PRKDC: variants seen among roughly 807,000 people sequenced by gnomAD.
PRKDC encodes the protein protein kinase, DNA-activated, catalytic subunit.
PRKDC carries 82 observed loss-of-function variants against 486.9 expected under a neutral mutation model. That is an observed-to-expected ratio of 0.17 (90% CI 0.14 to 0.20). The LOEUF is 0.20. Among genes scored for constraint, PRKDC ranks in the 10% least tolerant of loss-of-function variants. PRKDC has a pLI of 1.00. For missense variants in PRKDC, 4,504 were observed against 5,038.2 expected (o/e 0.89, Z 3.21); for synonymous variants, 1,895 against 1,837.0 (o/e 1.03, Z -0.81).
intron 54 of PRKDC, among the ~76,000 whole-genome samples, chr8:47,846,372 C>A (rs187683094): frequency 6.7e-6 from 1 of 148,878 alleles, no homozygotes; most frequent in Non-Finnish European, 1.5e-5. Context: ...GCTGAGGTCA[C>A]GCCACTGCAC....
At chr8:47,787,710 C>T (rs919232212) in intron 76 of PRKDC, among the ~76,000 whole-genome samples, 3 of 152,194 alleles carry the variant, frequency 2.0e-5, no homozygotes, top group African/African-American at 7.2e-5. Context: ...AGTCTCAGGG[C>T]TTCCAGCAAC....
chr8:47,909,768 G>A (rs1029623523), intron 25 of PRKDC, among the ~76,000 whole-genome samples: 2 of 152,184 alleles, frequency 1.3e-5, no homozygotes, highest in Non-Finnish European at 2.9e-5. Flanking sequence ...ATGCAGTTGA[G>A]ATAAGGACTG....
chr8:47,809,901 T>C (rs954761595), intron 68 of PRKDC, among the ~76,000 whole-genome samples: 17 of 152,174 alleles, frequency 1.1e-4, no homozygotes, highest in African/African-American at 4.1e-4. Flanking sequence ...GTGGTGGCAA[T>C]GTGACTGAGA....
At chr8:47,815,645 ATAAG>A (rs1373520520) in intron 68 of PRKDC, among the ~76,000 whole-genome samples, 1 of 152,250 alleles carries the variant, frequency 6.6e-6, no homozygotes, top group African/African-American at 2.4e-5. Context: ...TAAAAAGTAA[ATAAG>A]TAAGTAAACA....
chr8:47,781,982 C>T (rs990889003), intron 80 of PRKDC, among the ~76,000 whole-genome samples, 180 bp downstream of exon 80: 1 of 152,182 alleles, frequency 6.6e-6, no homozygotes, highest in Non-Finnish European at 1.5e-5. Flanking sequence ...TTTTGTATTA[C>T]GGTAAAATAT....
Position 47,820,701 on chromosome 8 carries a change from TATA to T in PRKDC, c.9336+15_9336+17del. 7.8e-7 allele frequency: 1 copy of T among 1,289,634 alleles called. No individual in the cohort carries two copies. Among genetic ancestry groups the T allele is most frequent in the East Asian group, 2.6e-5 (1 of 39,132 alleles). The allele number at this position is 1,289,634 out of a possible 1,614,324, so 79.9% of individuals were successfully genotyped here. A position where few individuals can be genotyped will look rare whatever the true frequency, so the allele number is the denominator to read the frequency against. ...CACTATATATATACAAGCATATATA[TATA>T]ATATATAGTATTACCTGCATAAAAC... On this transcript the variant is annotated intron_variant, in intron 66 of 85. Coordinates refer to ENST00000314191, the MANE Select transcript of PRKDC (RefSeq NM_006904.7).
At position 47,782,321 on chromosome 8, in the gene PRKDC, C is replaced by G; in HGVS notation, c.11396+57G>C. 1 of 1,610,926 alleles carries G rather than the reference C, an allele frequency of 6.2e-7. No individual in the cohort carries two copies. Among genetic ancestry groups the G allele is most frequent in the Non-Finnish European group, 8.5e-7 (1 of 1,177,736 alleles). ...CTCTTTCTTCACTAGAAAAACAGTCCCGTGGACGCCAAGCAATATGCAGCA... is the reference window on the plus strand; with the variant it reads ...CTCTTTCTTCACTAGAAAAACAGTCGCGTGGACGCCAAGCAATATGCAGCA... On this transcript the variant is annotated intron_variant, in intron 79 of 85. Transcript: ENST00000314191. This position sits in a 1 kb window ranked among gnomAD's most constrained non-coding sequence, Gnocchi z 4.9.
chr8:47,918,397 A>T lies in PRKDC; in HGVS notation c.2420-14T>A. ...TCTTGGTCTCATCTATCAATAGTAA[A>T]CGAAAATAAATTTAAAATAGCACTC... On this transcript the variant is annotated splice_polypyrimidine_tract_variant and intron_variant, in intron 21 of 85. Transcript: ENST00000314191. 1 of 1,473,350 alleles carries T rather than the reference A, an allele frequency of 6.8e-7. No homozygotes were observed. Among genetic ancestry groups the T allele is most frequent in the Non-Finnish European group, 9.1e-7 (1 of 1,095,848 alleles). 91.3% of individuals were successfully genotyped at this position (1,473,350 alleles called of 1,614,324 possible).
In PRKDC at chr8:47,862,451, G is replaced by A. The variant is rs546063249; in HGVS notation, c.5841C>T (p.Cys1947=). ...RRLYHCAAYN[C]AISVICCVFN... ...AGACACAGCAGATGACAGATATGGC[G>A]CAGTTGTATGCTGCACAATGGTAAA... Residue 1947 remains cysteine, a synonymous_variant, in exon 43 of 86, where the codon TGC becomes TGT. Coordinates refer to ENST00000314191, the MANE Select transcript of PRKDC (RefSeq NM_006904.7). 17 of 1,613,878 alleles carry A rather than the reference G, an allele frequency of 1.1e-5. No individual in the cohort carries two copies. The African/African-American group carries it at 1.1e-4, about 10-fold the overall frequency.
intron 30 of PRKDC, 88 bp from the exon 31 acceptor site, chr8:47,893,475 G>A (rs2089508111): frequency 4.6e-6 from 6 of 1,306,134 alleles, no homozygotes; most frequent in Non-Finnish European, 5.0e-6. Flanking sequence ...AATGTTATGG[G>A]ACAATCTTTT....
rs769967484 is a variant in PRKDC at position 47,778,655 on chromosome 8, G to A, written c.11657C>T (p.Ala3886Val). The stretch of plus-strand genomic sequence containing the variant: ...AGGGCTTGTACTCATCCTCACGAAG[G>A]CCCGCCTACAAAAGAGACACAGCTG... ...SKVPADLLKR[A>V]FVRMSTSPEA... The change falls in exon 83 of 86, where the codon GCC becomes GTC. Residue 3886 changes from alanine to valine, a missense_variant. Around this residue, in one of 6 missense-constraint regions of PRKDC, gnomAD observed 706 missense variants for 945.0 expected, o/e 0.75. Coordinates refer to ENST00000314191, the MANE Select transcript of PRKDC (RefSeq NM_006904.7). 1 of 1,613,324 alleles carries A rather than the reference G, an allele frequency of 6.2e-7. No homozygotes were observed. Among genetic ancestry groups the A allele is most frequent in the Non-Finnish European group, 8.5e-7 (1 of 1,179,598 alleles).
At position 47,913,861 on chromosome 8, in the gene PRKDC, A is replaced by G. The variant is rs370137191; in HGVS notation, c.2781+40T>C. On this transcript the variant is annotated intron_variant, in intron 24 of 85. Coordinates refer to ENST00000314191, the MANE Select transcript of PRKDC (RefSeq NM_006904.7). Reference sequence around the variant, plus strand: ...CTAAGCAATATGTATTTTTAAAGCAATAGGATCTAAATAATGGGTGAAATG... The same window carrying G: ...CTAAGCAATATGTATTTTTAAAGCAGTAGGATCTAAATAATGGGTGAAATG... 1.4e-5 allele frequency: 21 copies of G among 1,535,562 alleles called. No homozygotes were observed. In the African/African-American group the frequency reaches 1.4e-4, roughly 10 times the overall value.
chr8:47,936,639 G>A (rs2090357448), intron 11 of PRKDC, 122 bp from the exon 12 acceptor site: 1 of 1,157,688 alleles, frequency 8.6e-7, no homozygotes. Flanking sequence ...TTTTTTTTGA[G>A]ACGAAGTTTC....
intron 68 of PRKDC, among the ~76,000 whole-genome samples, chr8:47,813,732 G>C (rs530653623): frequency 9.9e-5 from 15 of 152,170 alleles, no homozygotes; most frequent in African/African-American, 3.6e-4. Context: ...GTGCCACCAT[G>C]CTCGGCTAAT....
chr8:47,936,288 C>G, intron 12 of PRKDC, 65 bp downstream of exon 12: 1 of 1,496,204 alleles, frequency 6.7e-7, no homozygotes, highest in Non-Finnish European at 9.0e-7. Context: ...TTGTATGACT[C>G]CATCAAATTA....
At chr8:47,775,205 A>AATT (rs2086584879) in intron 85 of PRKDC, among the ~76,000 whole-genome samples, 6 of 151,056 alleles carry the variant, frequency 4.0e-5, no homozygotes, top group African/African-American at 1.5e-4. Context: ...ATAAATAAAT[A>AATT]AATAAATAAA....
chr8:47,865,183 C>T (rs760646614), intron 40 of PRKDC, among the ~76,000 whole-genome samples: 2 of 151,642 alleles, frequency 1.3e-5, no homozygotes, highest in African/African-American at 4.8e-5. Context: ...GTCAGGAGAT[C>T]GAGACCACCC....
In PRKDC at chr8:47,778,453, G is replaced by A; in HGVS notation, c.11853+6C>T. The A allele has an allele frequency of 6.2e-7, 1 of 1,610,950 alleles. No homozygotes were observed. ...GCCCAGGATCACGAGAGCACAGCAA[G>A]TGCACCTGTGTAGCGGATCCAAACG... On this transcript the variant is annotated splice_donor_region_variant and intron_variant, in intron 83 of 85. Coordinates refer to ENST00000314191, the MANE Select transcript of PRKDC (RefSeq NM_006904.7).
chr8:47,859,478 C>T, intron 46 of PRKDC, 133 bp downstream of exon 46: 1 of 1,097,642 alleles, frequency 9.1e-7, no homozygotes, highest in South Asian at 1.7e-5. Flanking sequence ...GAAAATTCTC[C>T]AAATTAACTC....
Sources: gnomAD v4.1 joint callset for allele counts (sites outside exome capture counted in the v4.1 genomes callset) on GRCh38, gnomAD v4.1.1 for gene constraint, gnomAD v4.1.1 regional missense constraint, Gnocchi (gnomAD v3.1) non-coding constraint, MANE v1.5 for transcripts, NCBI Gene and HGNC (gene_info 2026-07-23, HGNC 2026-07-21) for gene names.